GPC5: variants seen among roughly 807,000 people sequenced by gnomAD.
The protein encoded by GPC5 is glypican 5, also known as glypican-5.
In GPC5, 47 loss-of-function variants were observed where a neutral mutation model predicts 53.9. The observed-to-expected ratio is 0.87, with a 90% CI of 0.69 to 1.11. The LOEUF (loss-of-function observed/expected upper bound fraction) is 1.11. Among genes scored for constraint, GPC5 ranks in the 50% most tolerant of loss-of-function variants. The pLI, the probability that GPC5 is intolerant of heterozygous loss-of-function variation, is 0.00. For synonymous variants in GPC5, 286 were observed against 263.3 expected (o/e 1.09, Z -0.84); for missense variants, 748 against 713.1 (o/e 1.05, Z -0.56).
In GPC5 at chr13:91,510,657, T is replaced by A. The variant is rs79587794; in HGVS notation, c.325+61735T>A. ...TTTATAAAAGTCTTGCTAAACTGTT[T>A]CCCAGAAAGGTTGTGTTAATTTATA... On this transcript the variant is annotated intron_variant, in intron 2 of 7. Coordinates refer to ENST00000377067, the MANE Select transcript of GPC5 (RefSeq NM_004466.6). Among the ~76,000 whole-genome samples the A allele has an allele frequency of 8.2e-3, 1,248 of 152,292 alleles. 14 individuals are homozygous for A. The highest frequency in any genetic ancestry group is 0.025 in the African/African-American group (1,050 of 41,556).
At chr13:91,618,634 T>A (rs1358834198) in intron 2 of GPC5, among the ~76,000 whole-genome samples, 1 of 142,920 alleles carries the variant, frequency 7.0e-6, no homozygotes, top group Non-Finnish European at 1.5e-5. Flanking sequence ...AGATCTTGAT[T>A]ACGCATTTTA....
chr13:92,194,482 G>C (rs530604691), intron 7 of GPC5, among the ~76,000 whole-genome samples: 2 of 152,296 alleles, frequency 1.3e-5, no homozygotes, highest in South Asian at 4.1e-4. Context: ...AAAGGTGCTA[G>C]GCTACAGAGA....
At chr13:92,757,007 AG>A (rs1490778457) in intron 7 of GPC5, among the ~76,000 whole-genome samples, 9 of 151,956 alleles carry the variant, frequency 5.9e-5, no homozygotes, top group Non-Finnish European at 5.9e-5. Flanking sequence ...GAACCAAAAA[AG>A]AGCCCGCATT....
chr13:91,489,570 A>C (rs2139247753), intron 2 of GPC5, among the ~76,000 whole-genome samples: 1 of 152,344 alleles, frequency 6.6e-6, no homozygotes, highest in South Asian at 2.1e-4. Context: ...TTTCAGTTTG[A>C]ATAGTGAATG....
intron 2 of GPC5, among the ~76,000 whole-genome samples, chr13:91,544,546 A>G (rs1442300979): frequency 6.6e-6 from 1 of 152,206 alleles, no homozygotes; most frequent in Admixed American, 6.5e-5. Context: ...GTCATTAAAT[A>G]TGTTTCACTA....
chr13:92,135,533 A>T (rs1403880187), intron 6 of GPC5, among the ~76,000 whole-genome samples: 1 of 152,168 alleles, frequency 6.6e-6, no homozygotes, highest in Admixed American at 6.5e-5. Context: ...CACATTTTGA[A>T]CCGGAGGTAA....
chr13:92,081,748 G>A (rs2041297487), intron 6 of GPC5, among the ~76,000 whole-genome samples: 1 of 152,124 alleles, frequency 6.6e-6, no homozygotes, highest in Admixed American at 6.6e-5. Context: ...ACACATATAA[G>A]AAAGTATATA....
chr13:91,632,424 T>G (rs574890291), intron 2 of GPC5, among the ~76,000 whole-genome samples: 1 of 152,162 alleles, frequency 6.6e-6, no homozygotes, highest in African/African-American at 2.4e-5. Flanking sequence ...GATTGGTTTA[T>G]CTATTCACCC....
intron 7 of GPC5, among the ~76,000 whole-genome samples, chr13:92,676,122 A>T (rs572752118): frequency 7.2e-5 from 11 of 152,200 alleles, no homozygotes; most frequent in Non-Finnish European, 1.5e-4. Context: ...AGGAAATTAT[A>T]TCAAACATGA....
At chr13:92,740,958 G>GTATATATATATATATA (rs1243138473) in intron 7 of GPC5, among the ~76,000 whole-genome samples, 2 of 89,278 alleles carry the variant, frequency 2.2e-5, no homozygotes, top group African/African-American at 7.9e-5. Context: ...ATATATGTAT[G>GTATATATATATATATA]TGTATATATA....
Position 92,787,104 on chromosome 13 carries a change from G to A in GPC5, c.1562-79178G>A, listed in dbSNP as rs549711420. 9.9e-5 allele frequency among the ~76,000 whole-genome samples: 15 copies of A among 152,230 alleles called. No individual in the cohort carries two copies. In the East Asian group the frequency reaches 2.9e-3, roughly 29 times the overall value. On this transcript the variant is annotated intron_variant, in intron 7 of 7. Coordinates refer to ENST00000377067, the MANE Select transcript of GPC5 (RefSeq NM_004466.6). ...CAATATAAAATGTATTATTGGATTT[G>A]AAACAGGGGAATAATGAACTCAAGA...
intron 3 of GPC5, among the ~76,000 whole-genome samples, chr13:91,717,509 G>A (rs1050831806): frequency 1.3e-5 from 2 of 152,096 alleles, no homozygotes; most frequent in Non-Finnish European, 1.5e-5. Flanking sequence ...GTGCAGGAGC[G>A]GGGAAGTGAA....
At chr13:91,698,387 ATATCT>A (rs555754372) in intron 3 of GPC5, among the ~76,000 whole-genome samples, 764 of 152,294 alleles carry the variant, frequency 5.0e-3, no homozygotes, top group Non-Finnish European at 8.6e-3. Flanking sequence ...AAGGAAACTA[ATATCT>A]TATCACTTCT....
At chr13:92,354,618 T>G (rs2139272590) in intron 7 of GPC5, among the ~76,000 whole-genome samples, 1 of 152,212 alleles carries the variant, frequency 6.6e-6, no homozygotes, top group East Asian at 1.9e-4. Flanking sequence ...AACAAACATA[T>G]AAAACTAGAT....
intron 7 of GPC5, among the ~76,000 whole-genome samples, chr13:92,396,050 A>C (rs981969684): frequency 5.3e-5 from 7 of 130,934 alleles, no homozygotes; most frequent in Middle Eastern, 3.4e-3. Flanking sequence ...CAAATATTTC[A>C]TTCTGTTGTT....
rs147394188 is a variant in GPC5 at position 91,832,288 on chromosome 13, A to C, written c.1281-75649A>C. ...CTTATCAGAGGCTAGGATTGCAACC[A>C]TGCTTTTTTCTCTTTTTTTTTTTTT... On this transcript the variant is annotated intron_variant, in intron 5 of 7. Transcript: ENST00000377067. Among the ~76,000 whole-genome samples the C allele has an allele frequency of 5.5e-3, 765 of 138,878 alleles. 8 individuals carry two copies. The highest frequency in any genetic ancestry group is 0.019 in the African/African-American group (720 of 38,818). 91.1% of individuals were successfully genotyped at this position (138,878 alleles called of 152,430 possible).
intron 7 of GPC5, among the ~76,000 whole-genome samples, chr13:92,571,727 T>C (rs1343708529): frequency 6.6e-6 from 1 of 152,138 alleles, no homozygotes; most frequent in Non-Finnish European, 1.5e-5. Flanking sequence ...GCAAACTCAT[T>C]TGGAATATCC....
intron 7 of GPC5, among the ~76,000 whole-genome samples, chr13:92,231,706 G>A (rs1478141836): frequency 1.3e-5 from 2 of 152,030 alleles, no homozygotes; most frequent in African/African-American, 2.4e-5. Context: ...GGTGGCTTAC[G>A]CCTGTAATCC....
chr13:92,078,818 A>C (rs1270752226), intron 6 of GPC5, among the ~76,000 whole-genome samples: 1 of 152,146 alleles, frequency 6.6e-6, no homozygotes, highest in African/African-American at 2.4e-5. Context: ...CCATTTTTAA[A>C]ACTACACTAT....
Sources: allele counts gnomAD v4.1 joint callset (sites outside exome capture counted in the v4.1 genomes callset), GRCh38; gene constraint gnomAD v4.1.1; transcripts MANE v1.5; gene names NCBI Gene and HGNC (gene_info 2026-07-23, HGNC 2026-07-21).